Variants in KIAA1217 observed in about 807,000 individuals in gnomAD.
KIAA1217 encodes the protein KIAA1217, also known as sickle tail protein homolog.
A neutral mutation model predicts 163.9 loss-of-function variants in KIAA1217; 88 were observed. The observed-to-expected ratio is 0.54, with a 90% CI of 0.45 to 0.64. The LOEUF is 0.64. Ranked by LOEUF, KIAA1217 falls within the 30% of genes least tolerant of loss-of-function variation. The pLI, the probability that KIAA1217 is intolerant of heterozygous loss-of-function variation, is 0.00. For synonymous variants in KIAA1217, 903 were observed against 923.1 expected (o/e 0.98, Z 0.39); for missense variants, 2,372 against 2,475.0 (o/e 0.96, Z 0.88).
intron 1 of KIAA1217, among the ~76,000 whole-genome samples, chr10:23,698,079 A>G (rs1836165733): frequency 6.6e-6 from 1 of 152,200 alleles, no homozygotes; most frequent in South Asian, 2.1e-4. Flanking sequence ...TACTTACAAA[A>G]TGAGATTATT....
At chr10:23,959,637 G>A (rs530989204) in intron 1 of KIAA1217, among the ~76,000 whole-genome samples, 1 of 152,230 alleles carries the variant, frequency 6.6e-6, no homozygotes, top group Admixed American at 6.5e-5. Flanking sequence ...CAAAGAAACA[G>A]GGAAACTTGT....
At chr10:24,388,211 A>T (rs1012509870) in intron 3 of KIAA1217, among the ~76,000 whole-genome samples, 2 of 152,358 alleles carry the variant, frequency 1.3e-5, no homozygotes, top group Admixed American at 6.5e-5. Context: ...ACAGAGATAC[A>T]GACCAATGGA....
chr10:24,251,249 A>C (rs915554587), intron 2 of KIAA1217, among the ~76,000 whole-genome samples: 3 of 151,940 alleles, frequency 2.0e-5, no homozygotes, highest in Non-Finnish European at 4.4e-5. Context: ...TAAAATTAAA[A>C]TTGAGCCTGA....
intron 1 of KIAA1217, among the ~76,000 whole-genome samples, chr10:23,698,083 G>C (rs181714980): frequency 5.3e-5 from 8 of 152,288 alleles, no homozygotes; most frequent in Non-Finnish European, 8.8e-5. Flanking sequence ...TACAAAATGA[G>C]ATTATTGTAA....
intron 2 of KIAA1217, among the ~76,000 whole-genome samples, chr10:24,038,582 C>A (rs967467038): frequency 1.3e-5 from 2 of 152,114 alleles, no homozygotes; most frequent in African/African-American, 2.4e-5. Context: ...AGCAGCCCTG[C>A]AAGTGACCTA....
intron 2 of KIAA1217, among the ~76,000 whole-genome samples, chr10:24,377,113 C>A (rs1329397023): frequency 8.5e-5 from 13 of 152,074 alleles, no homozygotes; most frequent in Non-Finnish European, 1.6e-4. Context: ...CAGAGAGACC[C>A]CTTCGAAGAA....
intron 5 of KIAA1217, among the ~76,000 whole-genome samples, chr10:24,465,067 C>T (rs1045514615): frequency 6.6e-6 from 1 of 152,186 alleles, no homozygotes; most frequent in East Asian, 1.9e-4. Context: ...TCCTCCATCC[C>T]CCTTCCTGGA....
chr10:23,866,940 C>T (rs1470224813), intron 1 of KIAA1217, among the ~76,000 whole-genome samples: 1 of 150,990 alleles, frequency 6.6e-6, no homozygotes, highest in Non-Finnish European at 1.5e-5. Flanking sequence ...TGCTGGTGTG[C>T]TGCACCCATT....
chr10:23,903,683 G>A (rs976022685), intron 1 of KIAA1217, among the ~76,000 whole-genome samples: 2 of 152,010 alleles, frequency 1.3e-5, no homozygotes, highest in African/African-American at 4.8e-5. Flanking sequence ...TACTTTCAGG[G>A]GAAGTAGGTC....
At chr10:23,745,429 TC>T (rs1373957877) in intron 1 of KIAA1217, among the ~76,000 whole-genome samples, 1 of 152,212 alleles carries the variant, frequency 6.6e-6, no homozygotes, top group African/African-American at 2.4e-5. Context: ...TTCCTATACT[TC>T]CTAGGCATAA....
At chr10:24,170,116 A>T (rs564812142) in intron 2 of KIAA1217, among the ~76,000 whole-genome samples, 72 of 152,316 alleles carry the variant, frequency 4.7e-4, no homozygotes, top group Non-Finnish European at 9.8e-4. Flanking sequence ...TGCTTTATAC[A>T]AAAACTCATA....
chr10:24,001,580 A>G (rs886684196), intron 1 of KIAA1217, among the ~76,000 whole-genome samples: 2 of 152,202 alleles, frequency 1.3e-5, no homozygotes, highest in African/African-American at 4.8e-5. Context: ...GCATGTGTGT[A>G]TTTTTATTAC....
chr10:24,068,642 C>G (rs1189912964), intron 2 of KIAA1217, among the ~76,000 whole-genome samples: 1 of 152,228 alleles, frequency 6.6e-6, no homozygotes, highest in African/African-American at 2.4e-5. Flanking sequence ...GCTAAAACCT[C>G]TGTTGGCCTC....
intron 1 of KIAA1217, among the ~76,000 whole-genome samples, chr10:23,942,957 A>C (rs1001121678): frequency 5.9e-5 from 9 of 151,772 alleles, no homozygotes; most frequent in Non-Finnish European, 1.2e-4. Context: ...AAAAAAAAAA[A>C]AAAAAACTAA....
At chr10:23,881,627 G>C (rs1281923398) in intron 1 of KIAA1217, among the ~76,000 whole-genome samples, 1 of 151,966 alleles carries the variant, frequency 6.6e-6, no homozygotes, top group African/African-American at 2.4e-5. Flanking sequence ...TGAGATGCTT[G>C]ACTTTGAAAA....
intron 2 of KIAA1217, among the ~76,000 whole-genome samples, chr10:24,262,628 G>GAAA: frequency 1.4e-5 from 1 of 70,814 alleles, no homozygotes; most frequent in African/African-American, 4.9e-5. Context: ...CCGTCTCAAA[G>GAAA]AAAAAAAAAA....
chr10:24,241,124 G>C (rs984114775), intron 2 of KIAA1217, among the ~76,000 whole-genome samples: 10 of 152,270 alleles, frequency 6.6e-5, no homozygotes, highest in African/African-American at 2.4e-4. Context: ...TGGGATTACA[G>C]GCTTGAGCCA....
chr10:23,887,431 G>A (rs1409823312), intron 1 of KIAA1217, among the ~76,000 whole-genome samples: 3 of 151,912 alleles, frequency 2.0e-5, no homozygotes, highest in East Asian at 2.0e-4. Context: ...AGCTATAGGC[G>A]ACCATTAGGC....
chr10:24,508,294 A>G (rs1207004428), intron 9 of KIAA1217, among the ~76,000 whole-genome samples: 2 of 152,204 alleles, frequency 1.3e-5, no homozygotes, highest in Non-Finnish European at 2.9e-5. Flanking sequence ...ATGTAACAAA[A>G]TTTAGCATCA....
Sources: allele counts gnomAD v4.1 joint callset (sites outside exome capture counted in the v4.1 genomes callset), GRCh38; gene constraint gnomAD v4.1.1; transcripts MANE v1.5; gene names NCBI Gene and HGNC (gene_info 2026-07-23, HGNC 2026-07-21).